The following HELZ2 variants were observed in gnomAD, a reference collection of about 807,000 sequenced individuals.
HELZ2 encodes the protein helicase with zinc finger 2, also known as 3'-5' exoribonuclease HELZ2.
Under a neutral mutation model 208.8 loss-of-function variants are expected in HELZ2, and 143 were observed. The observed-to-expected ratio is 0.68, with a 90% CI of 0.60 to 0.79. The LOEUF (loss-of-function observed/expected upper bound fraction) is 0.79, where lower values mean the gene tolerates loss of function less well. Ranked by LOEUF, HELZ2 falls within the 30% of genes least tolerant of loss-of-function variation. HELZ2 has a pLI of 0.00. For synonymous variants in HELZ2, 1,705 were observed against 1,693.7 expected (o/e 1.01, Z -0.16); for missense variants, 3,690 against 3,794.5 (o/e 0.97, Z 0.72).
chr20:63,566,799 C>G (rs761985312), intron 6 of HELZ2, 45 bp downstream of exon 7: 1 of 1,531,842 alleles, frequency 6.5e-7, no homozygotes, highest in East Asian at 2.3e-5. Flanking sequence ...CCCCCTCCCC[C>G]AGCAGGGGTG....
chr20:63,563,102 G>C, exon 8 of HELZ2: 1 of 1,595,382 alleles, frequency 6.3e-7, no homozygotes, highest in Non-Finnish European at 8.5e-7. Flanking sequence ...GCTGAAGCCC[G>C]GTGCCACCGT....
exon 5 of HELZ2, chr20:63,568,797 A>G: frequency 6.2e-7 from 1 of 1,611,934 alleles, no homozygotes. Flanking sequence ...CGCACCTCGA[A>G]CACCGTATTG....
intron 5 of HELZ2, chr20:63,568,084 C>T (rs915385985): frequency 5.3e-6 from 3 of 562,362 alleles, no homozygotes; most frequent in Non-Finnish European, 9.3e-6. Flanking sequence ...CAAGACTCAT[C>T]CCCAGAAGTC....
chr20:63,572,587 G>C (rs954971871), upstream of HELZ2: 15 of 575,736 alleles, frequency 2.6e-5, no homozygotes, highest in African/African-American at 9.7e-5. Context: ...ACTGCCCCTG[G>C]GGGTCCACGC....
upstream of HELZ2, chr20:63,574,114 G>A (rs1470964676): frequency 2.0e-5 from 1 of 48,948 alleles, no homozygotes; most frequent in Non-Finnish European, 4.0e-5. Flanking sequence ...GGACCCCCGC[G>A]CTCACCCTCC....
At chr20:63,566,135 C>T (rs756394934) in exon 8 of HELZ2, 13 of 1,570,186 alleles carry the variant, frequency 8.3e-6, no homozygotes, top group Non-Finnish European at 1.0e-5. Context: ...GTTGAGCACG[C>T]GGGCGTCGGT....
intron 7 of HELZ2, 32 bp downstream of exon 8, chr20:63,566,346 G>A: frequency 6.5e-7 from 1 of 1,541,308 alleles, no homozygotes. Context: ...TCCTGGGGCA[G>A]CTGGCAGCAC....
At chr20:63,568,329 AG>A (rs766723120) in intron 5 of HELZ2, 28 bp downstream of exon 6, 1 of 1,538,546 alleles carries the variant, frequency 6.5e-7, no homozygotes, top group South Asian at 1.1e-5. Flanking sequence ...GCGTCAGGTG[AG>A]GTGGGGGCAG....
At chr20:63,572,804 G>C (rs1231645077), upstream of HELZ2, 1 of 175,722 alleles carries the variant, frequency 5.7e-6, no homozygotes, top group Non-Finnish European at 1.2e-5. Context: ...GCGGGCAAAG[G>C]TGCACCGGTT....
rs1373549669 is a variant in HELZ2 at position 63,561,752 on chromosome 20, G to A, written c.6692-7C>T. The A allele has an allele frequency of 1.2e-5, 19 of 1,586,230 alleles. No individual in the cohort carries two copies. The highest frequency in any genetic ancestry group is 1.5e-5 in the Non-Finnish European group (18 of 1,164,092). On this transcript the variant is annotated splice_region_variant and splice_polypyrimidine_tract_variant and intron_variant, in intron 11 of 18. Transcript: ENST00000467148. ...ATCCTTCTCAGGAGCAGTCCTGAGG[G>A]TAGTTGGGGGACGTGAGTCCTGCCC...
intron 5 of HELZ2, 142 bp from the exon 7 acceptor site, chr20:63,567,769 C>G: frequency 6.9e-7 from 1 of 1,458,582 alleles, no homozygotes; most frequent in South Asian, 1.4e-5. Flanking sequence ...ACACTGGTGT[C>G]CCTCCTGTCA....
At chr20:63,561,306 C>G in intron 13 of HELZ2, 32 bp from the exon 15 acceptor site, 1 of 1,612,526 alleles carries the variant, frequency 6.2e-7, no homozygotes, top group Non-Finnish European at 8.5e-7. Context: ...ACCCCAGGGC[C>G]CCCATGCTGC....
At chr20:63,572,063 G>T in intron 1 of HELZ2, 45 bp downstream of exon 2, 1 of 1,549,342 alleles carries the variant, frequency 6.5e-7, no homozygotes, top group Non-Finnish European at 8.7e-7. Context: ...TCTGCCTATG[G>T]TGGGCTCCTG....
At chr20:63,560,804 C>T in exon 15 of HELZ2, 1 of 1,612,100 alleles carries the variant, frequency 6.2e-7, no homozygotes, top group Non-Finnish European at 8.5e-7. Context: ...CCATGCGGTA[C>T]TGAGTGTCCA....
chr20:63,567,460 G>A (rs2082975044), exon 6 of HELZ2: 2 of 1,557,760 alleles, frequency 1.3e-6, no homozygotes, highest in South Asian at 1.2e-5. Flanking sequence ...TGCCCGTGTG[G>A]GCGGGCGGAA....
At chr20:63,566,967 G>A (rs574928392) in exon 6 of HELZ2, 1 of 1,611,386 alleles carries the variant, frequency 6.2e-7, no homozygotes, top group Admixed American at 1.7e-5. Context: ...GATTCAGCCA[G>A]GACGCCATGG....
rs376520808 is a variant in HELZ2, at chr20:63,563,538, G to A, written c.5284C>T (p.Arg1762Trp). 38 of 1,513,828 alleles carry A rather than the reference G, an allele frequency of 2.5e-5. No homozygotes were observed. In the African/African-American group the frequency reaches 3.3e-4, roughly 13 times the overall value. 93.8% of individuals were successfully genotyped at this position (1,513,828 alleles called of 1,614,324 possible). A position where few individuals can be genotyped will look rare whatever the true frequency, so the allele number is the denominator to read the frequency against. Residue 1762 changes from arginine (R) to tryptophan (W), a missense_variant, in exon 8 of 19, where the codon CGG (arginine) becomes TGG (tryptophan). Physicochemically the swap from Arg to Trp is moderately radical, Grantham distance 101. Transcript: ENST00000467148. ...GGGCAGGGGTCAGGCAGCGTCTCCC[G>A]GTTGCTGGGGAAGAGCAGCCGGAAG...
In HELZ2 at chr20:63,569,323, C is replaced by T. The variant is rs373602636; in HGVS notation, c.913G>A (p.Val305Met). The change falls in exon 4 of 19, where the codon GTG (valine) becomes ATG (methionine). Residue 305 changes from valine (V) to methionine (M), a missense_variant. Coordinates refer to ENST00000467148, the Ensembl canonical transcript of HELZ2. ...GCCGTCTGCTCGGCCGTCCGCTCCA[C>T]GCCAGGCACCACGTGGCGGTTGCCA... 3.9e-5 allele frequency: 62 copies of T among 1,592,758 alleles called. No homozygotes were observed. The highest frequency in any genetic ancestry group is 1.7e-4 in the Middle Eastern group (1 of 6,004).
In HELZ2 at chr20:63,561,539, A is replaced by G. The variant is rs938598711; in HGVS notation, c.6836+62T>C. 5.7e-6 allele frequency: 9 copies of G among 1,577,650 alleles called. No individual in the cohort carries two copies. In the African/African-American group the frequency reaches 1.2e-4, roughly 21 times the overall value. ...GGGCAGAGCTCAGTGAGACCCACCTACACAGGACTGTCTGGACAGCTCGGC... is the reference window on the plus strand; with the variant it reads ...GGGCAGAGCTCAGTGAGACCCACCTGCACAGGACTGTCTGGACAGCTCGGC... On this transcript the variant is annotated intron_variant, in intron 12 of 18. Transcript: ENST00000467148.
Sources: gnomAD v4.1 joint callset for allele counts on GRCh38, gnomAD v4.1.1 for gene constraint, MANE v1.5 for transcripts, NCBI Gene and HGNC (gene_info 2026-07-23, HGNC 2026-07-21) for gene names.